Variants in IMMT observed in about 807,000 individuals in gnomAD.
The protein encoded by IMMT is inner membrane mitochondrial protein.
In IMMT, 40 loss-of-function variants were observed where a neutral mutation model predicts 92.7. That is an observed-to-expected ratio of 0.43 (90% CI 0.34 to 0.56). IMMT has a LOEUF of 0.56. Among genes scored for constraint, IMMT ranks in the 20% least tolerant of loss-of-function variants. The probability of loss-of-function intolerance (pLI) is 0.03; values close to 1 mark genes in which losing one functional copy is unlikely to be tolerated. For missense variants in IMMT, 831 were observed against 912.1 expected (o/e 0.91, Z 1.14); for synonymous variants, 322 against 336.1 (o/e 0.96, Z 0.46).
intron 1 of IMMT, chr2:86,193,068 A>C: frequency 6.5e-6 from 1 of 153,268 alleles, no homozygotes; most frequent in East Asian, 2.0e-4. Flanking sequence ...AGAGTAAAGA[A>C]TGGACTCTAG....
intron 10 of IMMT, among the ~76,000 whole-genome samples, chr2:86,155,621 A>C (rs1226366176): frequency 2.0e-5 from 3 of 152,252 alleles, no homozygotes; most frequent in Non-Finnish European, 4.4e-5. Context: ...TACAGATAAC[A>C]CAGAAAGAGT....
At chr2:86,181,466 T>C in intron 1 of IMMT, 94 bp from the exon 2 acceptor site, 1 of 818,878 alleles carries the variant, frequency 1.2e-6, no homozygotes, top group Non-Finnish European at 2.0e-6. Flanking sequence ...TTATTAAAAA[T>C]GTCTTCATTA....
chr2:86,155,815 C>T (rs114534559), intron 10 of IMMT, among the ~76,000 whole-genome samples: 3,275 of 152,178 alleles, frequency 0.022, 38 homozygotes, highest in South Asian at 0.028. Context: ...AGGACATCCA[C>T]GGAGGGCTAG....
intron 13 of IMMT, among the ~76,000 whole-genome samples, chr2:86,147,001 T>A (rs960087116): frequency 6.6e-6 from 1 of 152,184 alleles, no homozygotes; most frequent in Non-Finnish European, 1.5e-5. Flanking sequence ...CCTCAAGCGA[T>A]CCACCCGCCT....
At chr2:86,190,755 CA>C (rs1045432476) in intron 1 of IMMT, among the ~76,000 whole-genome samples, 2 of 152,050 alleles carry the variant, frequency 1.3e-5, no homozygotes, top group African/African-American at 4.8e-5. Flanking sequence ...TTTGGGAGCC[CA>C]AGGCGGGCAG....
chr2:86,148,512 T>C (rs1675211995), intron 12 of IMMT, among the ~76,000 whole-genome samples: 1 of 152,052 alleles, frequency 6.6e-6, no homozygotes, highest in African/African-American at 2.4e-5. Context: ...CTCGGGAGGC[T>C]GAGGCAGGAG....
intron 7 of IMMT, among the ~76,000 whole-genome samples, chr2:86,164,642 G>T (rs1676535569): frequency 7.4e-6 from 1 of 135,622 alleles, no homozygotes; most frequent in Non-Finnish European, 1.5e-5. Context: ...AGTGAGCAGA[G>T]ATCACGCCAC....
At position 86,185,945 on chromosome 2, in the gene IMMT, A is replaced by AT. The variant is rs561549834; in HGVS notation, c.46-4574dup. On this transcript the variant is annotated intron_variant, in intron 1 of 14. Coordinates refer to ENST00000410111, the MANE Select transcript of IMMT (RefSeq NM_006839.3). ...GAGCTCTCATCAAGGAATTAGAAAC[A>AT]TAGGGCCAGCTGAATTTTACACTTG... Among the ~76,000 whole-genome samples, 25 of 152,316 alleles carry AT rather than the reference A, an allele frequency of 1.6e-4. No individual in the cohort carries two copies. In the South Asian group the frequency reaches 4.3e-3, roughly 26 times the overall value.
intron 14 of IMMT, among the ~76,000 whole-genome samples, chr2:86,145,097 T>C (rs972840464): frequency 2.0e-5 from 3 of 152,076 alleles, no homozygotes; most frequent in Non-Finnish European, 4.4e-5. Flanking sequence ...CTGCATGATA[T>C]CTAATCCACA....
chr2:86,187,648 C>T (rs898645583), intron 1 of IMMT, among the ~76,000 whole-genome samples: 14 of 152,226 alleles, frequency 9.2e-5, no homozygotes, highest in Admixed American at 5.9e-4. Context: ...CAGTCGCTCA[C>T]GCCTGTAATC....
intron 8 of IMMT, among the ~76,000 whole-genome samples, chr2:86,161,186 C>T (rs1014184225): frequency 2.0e-5 from 3 of 152,078 alleles, no homozygotes; most frequent in African/African-American, 4.8e-5. Flanking sequence ...GATGGAGTCT[C>T]GCTCTGTCGC....
chr2:86,192,138 T>G (rs960710244), intron 1 of IMMT, among the ~76,000 whole-genome samples: 2 of 151,962 alleles, frequency 1.3e-5, no homozygotes, highest in Non-Finnish European at 1.5e-5. Flanking sequence ...GGAGGTGAGG[T>G]GGGAGGATCG....
intron 3 of IMMT, among the ~76,000 whole-genome samples, chr2:86,178,121 C>A (rs1677558881): frequency 6.6e-6 from 1 of 151,604 alleles, no homozygotes; most frequent in African/African-American, 2.4e-5. Flanking sequence ...CGAGATCATC[C>A]TGGCTAACAC....
In IMMT at chr2:86,194,034, G is replaced by C. The variant is rs1246297269; in HGVS notation, c.45+1304C>G. Among the ~76,000 whole-genome samples, 3 of 152,220 alleles carry C rather than the reference G, an allele frequency of 2.0e-5. No individual in the cohort carries two copies. The East Asian group carries it at 5.8e-4, about 29-fold the overall frequency. On this transcript the variant is annotated intron_variant, in intron 1 of 14. Coordinates refer to ENST00000410111, the MANE Select transcript of IMMT (RefSeq NM_006839.3). ...AGCCTGCACGAAAGCAAACATCAAT[G>C]TTATGAATGGCCTCTAGAGGCCTTG...
chr2:86,153,081 G>A (rs1675595156), intron 11 of IMMT, among the ~76,000 whole-genome samples: 1 of 152,138 alleles, frequency 6.6e-6, no homozygotes, highest in Admixed American at 6.5e-5. Context: ...TGTGATAATA[G>A]TATGGTGATG....
At chr2:86,171,453 G>A (rs1321000979) in intron 4 of IMMT, 108 bp from the exon 5 acceptor site, 4 of 984,750 alleles carry the variant, frequency 4.1e-6, no homozygotes, top group Non-Finnish European at 1.6e-6. Flanking sequence ...ACTCCTTAGA[G>A]ACACAAATAT....
intron 8 of IMMT, 115 bp from the exon 9 acceptor site, chr2:86,159,786 G>A: frequency 1.2e-6 from 1 of 855,188 alleles, no homozygotes; most frequent in South Asian, 2.7e-5. Context: ...TGGGAGCAGT[G>A]GCTGATACCT....
At chr2:86,153,597 G>A (rs1268687468) in intron 10 of IMMT, 23 bp from the exon 11 acceptor site, 4 of 1,415,206 alleles carry the variant, frequency 2.8e-6, no homozygotes, top group African/African-American at 1.5e-5. Context: ...AAATAGAACA[G>A]TTTGAAAAAA....
At chr2:86,158,043 G>A (rs1294844490) in intron 10 of IMMT, among the ~76,000 whole-genome samples, 2 of 152,176 alleles carry the variant, frequency 1.3e-5, no homozygotes, top group Non-Finnish European at 2.9e-5. Flanking sequence ...TGTGACTATA[G>A]CTACACCATG....
Sources: gnomAD v4.1 joint callset for allele counts (sites outside exome capture counted in the v4.1 genomes callset) on GRCh38, gnomAD v4.1.1 for gene constraint, MANE v1.5 for transcripts, NCBI Gene and HGNC (gene_info 2026-07-23, HGNC 2026-07-21) for gene names.